PRRC2B: variants seen among roughly 807,000 people sequenced by gnomAD.
The protein encoded by PRRC2B is proline rich coiled-coil 2B.
A neutral mutation model predicts 242.3 loss-of-function variants in PRRC2B; 68 were observed. The ratio of observed to expected loss-of-function variants is 0.28; its 90% CI spans 0.23 to 0.34. PRRC2B has a LOEUF of 0.34. Ranked by LOEUF, PRRC2B falls within the 10% of genes least tolerant of loss-of-function variation. The probability of loss-of-function intolerance (pLI) is 1.00; values close to 1 mark genes in which losing one functional copy is unlikely to be tolerated. For synonymous variants in PRRC2B, 1,228 were observed against 1,173.6 expected (o/e 1.05, Z -0.95); for missense variants, 2,835 against 2,954.8 (o/e 0.96, Z 0.94).
At chr9:131,389,922 T>G (rs976761051), upstream of PRRC2B, among the ~76,000 whole-genome samples, 8 of 129,676 alleles carry the variant, frequency 6.2e-5, no homozygotes, top group African/African-American at 2.3e-4. Flanking sequence ...GTTGTTTTTT[T>G]TTTTGTTTTT....
At position 131,451,560 on chromosome 9, in the gene PRRC2B, T is replaced by A. The variant is rs545991834; in HGVS notation, c.1121-3516T>A. Among the ~76,000 whole-genome samples, 6 of 152,378 alleles carry A rather than the reference T, an allele frequency of 3.9e-5. No individual in the cohort carries two copies. In the South Asian group the frequency reaches 6.2e-4, roughly 16 times the overall value. ...GAGTTTTACATTGTCTTTTTCAGAT[T>A]ACGTGCCTTTTATTTATTTATTTGT... is the stretch of plus-strand genomic sequence containing the variant. On this transcript the variant is annotated intron_variant, in intron 9 of 31. Coordinates refer to ENST00000683519, the MANE Select transcript of PRRC2B (RefSeq NM_013318.4).
Position 131,494,365 on chromosome 9 carries a change from C to CA in PRRC2B, c.6474-39dup, listed in dbSNP as rs1261987989. On this transcript the variant is annotated intron_variant, in intron 30 of 31. Transcript: ENST00000683519. The surrounding 1 kb of genome is among the most constrained non-coding windows in gnomAD (Gnocchi z 4.3). Reference sequence around the variant, plus strand: ...GGCTTTGACTCCATTTCTGTGGTGACACGTTGTGTATTCTCAACCCCTGCC... The same window carrying CA: ...GGCTTTGACTCCATTTCTGTGGTGACAACGTTGTGTATTCTCAACCCCTGCC... 2.8e-6 allele frequency: 3 copies of CA among 1,069,456 alleles called. No individual in the cohort carries two copies. In the African/African-American group the frequency reaches 4.7e-5, roughly 17 times the overall value. The allele number at this position is 1,069,456 out of a possible 1,614,324, so 66.2% of individuals were successfully genotyped here. A position where few individuals can be genotyped will look rare whatever the true frequency, so the allele number is the denominator to read the frequency against.
Position 131,499,130 on chromosome 9 carries a change from G to A in PRRC2B, c.*3256G>A, listed in dbSNP as rs1221296693. 6.6e-6 allele frequency: 1 copy of A among 152,194 alleles called. No homozygotes were observed. The highest frequency in any genetic ancestry group is 1.5e-5 in the Non-Finnish European group (1 of 68,042). 9.4% of individuals were successfully genotyped at this position (152,194 alleles called of 1,614,324 possible). ...GCTGTGGTCCTTCCAGCCACTTCTA[G>A]GGACACTGGGGAACCTTGTTAAACG... is the stretch of plus-strand genomic sequence containing the variant. On this transcript the variant is annotated 3_prime_UTR_variant, in exon 32 of 32. Transcript: ENST00000683519.
Position 131,495,828 on chromosome 9 carries a change from G to A in PRRC2B, c.6644G>A (p.Gly2215Glu). 3 of 1,612,782 alleles carry A rather than the reference G, an allele frequency of 1.9e-6. No homozygotes were observed. Among genetic ancestry groups the A allele is most frequent in the South Asian group, 2.2e-5 (2 of 91,076 alleles). The change falls in exon 32 of 32, where the codon GGA becomes GAA. Residue 2215 changes from glycine (G) to glutamate (E), a missense_variant. By Grantham distance (98) the Gly-to-Glu change is moderately conservative. This residue lies in a region of PRRC2B where 574 missense variants were observed against 626.0 expected (regional missense o/e 0.92). Transcript: ENST00000683519. ...GCTGCCTCCCAGATGAAGCGAACCG[G>A]AGCGATCAAGCCTCGGGCTGTCAAA... ...PSAASQMKRT[G>E]AIKPRAVKVE...
At chr9:131,469,254 C>T (rs947404791) in intron 13 of PRRC2B, among the ~76,000 whole-genome samples, 3 of 152,154 alleles carry the variant, frequency 2.0e-5, no homozygotes, top group African/African-American at 4.8e-5. Flanking sequence ...GAATCGCTTG[C>T]ACCCAGGAGG....
chr9:131,444,058 C>T, intron 5 of PRRC2B, 127 bp from the exon 6 acceptor site: 1 of 1,058,384 alleles, frequency 9.4e-7, no homozygotes. Flanking sequence ...GCACAGAGCA[C>T]CCTTGTGACA....
intron 6 of PRRC2B, among the ~76,000 whole-genome samples, chr9:131,445,040 C>T (rs1838750239): frequency 6.6e-6 from 1 of 152,164 alleles, no homozygotes; most frequent in Non-Finnish European, 1.5e-5. Flanking sequence ...GATGTATCCC[C>T]AAGGCCTCTC....
intron 10 of PRRC2B, among the ~76,000 whole-genome samples, chr9:131,456,211 CTTT>C (rs59184650): frequency 0.015 from 2,118 of 138,874 alleles, 42 homozygotes; most frequent in African/African-American, 0.042. Context: ...AATTTTGTCT[CTTT>C]TTTTTTTTTT....
chr9:131,488,154 C>A, intron 28 of PRRC2B, 58 bp downstream of exon 28: 1 of 1,537,576 alleles, frequency 6.5e-7, no homozygotes, highest in South Asian at 1.2e-5. Flanking sequence ...ACGACCTTGC[C>A]TTTTCTTTTC....
Position 131,492,172 on chromosome 9 carries a change from T to C in PRRC2B, c.6385T>C (p.Ser2129Pro), listed in dbSNP as rs1388692628. The C allele has an allele frequency of 1.9e-6, 3 of 1,613,456 alleles. No homozygotes were observed. Among genetic ancestry groups the C allele is most frequent in the Non-Finnish European group, 2.5e-6 (3 of 1,179,486 alleles). Residue 2129 changes from serine to proline, a missense_variant, in exon 30 of 32, where the codon TCT becomes CCT. Physicochemically the swap from Ser to Pro is moderately conservative, Grantham distance 74. Around this residue, in one of 7 missense-constraint regions of PRRC2B, gnomAD observed 574 missense variants for 626.0 expected, o/e 0.92. Coordinates refer to ENST00000683519, the MANE Select transcript of PRRC2B (RefSeq NM_013318.4). ...PPVLNTSREPSQMEMKGFHFA... is the reference protein window; with the variant it reads ...PPVLNTSREPPQMEMKGFHFA... ...TGTTCCTGCTTGGTCTCTCTAGCCC[T>C]CTCAGATGGAGATGAAAGGCTTCCA...
At chr9:131,467,214 T>G (rs1299908919) in intron 12 of PRRC2B, among the ~76,000 whole-genome samples, 1 of 152,186 alleles carries the variant, frequency 6.6e-6, no homozygotes, top group Non-Finnish European at 1.5e-5. Flanking sequence ...GGATTACAGG[T>G]GTGAGCCACT....
At position 131,405,033 on chromosome 9, in the gene PRRC2B, C is replaced by T. The variant is rs565928955; in HGVS notation, c.-52+10770C>T. On this transcript the variant is annotated intron_variant, in intron 1 of 31. Transcript: ENST00000683519. ...AGCTTATATGTGTGAGCGTATGTTTCTGGACTATGGGCTTTTCTAAATGAA... is the reference window on the plus strand; with the variant it reads ...AGCTTATATGTGTGAGCGTATGTTTTTGGACTATGGGCTTTTCTAAATGAA... Among the ~76,000 whole-genome samples the T allele has an allele frequency of 4.2e-4, 64 of 152,302 alleles. 1 individual carries two copies. Among genetic ancestry groups the T allele is most frequent in the African/African-American group, 1.5e-3 (61 of 41,554 alleles).
At chr9:131,477,708 C>T in intron 16 of PRRC2B, 36 bp from the exon 17 acceptor site, 3 of 1,375,204 alleles carry the variant, frequency 2.2e-6, no homozygotes, top group Non-Finnish European at 3.0e-6. Flanking sequence ...CCCTCCTTCC[C>T]CAGCTCTGGT....
chr9:131,450,616 C>T (rs1942882857), intron 9 of PRRC2B, among the ~76,000 whole-genome samples: 1 of 150,848 alleles, frequency 6.6e-6, no homozygotes, highest in Non-Finnish European at 1.5e-5. Context: ...GATATGGGGT[C>T]TCACTCTGCC....
chr9:131,467,989 C>T (rs1335636844), intron 13 of PRRC2B, among the ~76,000 whole-genome samples: 3 of 152,220 alleles, frequency 2.0e-5, no homozygotes, highest in Non-Finnish European at 4.4e-5. Flanking sequence ...GGAATGAATA[C>T]AGTCTTTGTG....
rs544436051 is a variant in PRRC2B at position 131,432,849 on chromosome 9, G to A, written c.293+55G>A. 1.1e-3 allele frequency: 1,780 copies of A among 1,580,006 alleles called. 11 individuals are homozygous for A. The South Asian group carries it at 0.011, about 10-fold the overall frequency. On this transcript the variant is annotated intron_variant, in intron 3 of 31. Coordinates refer to ENST00000683519, the MANE Select transcript of PRRC2B (RefSeq NM_013318.4). ...AGCTGGCGCTCCAAGGGTGGTCCCG[G>A]CATCCTTCCCTGTGGCAAACTAACC...
At chr9:131,445,543 A>T (rs1411812783) in intron 6 of PRRC2B, among the ~76,000 whole-genome samples, 1 of 152,244 alleles carries the variant, frequency 6.6e-6, no homozygotes, top group Non-Finnish European at 1.5e-5. Flanking sequence ...AAAAACGTAG[A>T]CATAGAAGAA....
chr9:131,459,184 G>A lies in PRRC2B; in HGVS notation c.1232G>A (p.Arg411Lys), dbSNP rs1206869297. The A allele has an allele frequency of 1.2e-6, 2 of 1,614,014 alleles. No individual in the cohort carries two copies. Among genetic ancestry groups the A allele is most frequent in the East Asian group, 2.2e-5 (1 of 44,882 alleles). Residue 411 changes from arginine to lysine, a missense_variant, in exon 11 of 32, where the codon AGG becomes AAG. Arg to Lys is a conservative substitution (Grantham distance 26). This residue lies in a region of PRRC2B where 626 missense variants were observed against 685.5 expected (regional missense o/e 0.91). Coordinates refer to ENST00000683519, the MANE Select transcript of PRRC2B (RefSeq NM_013318.4). ...CCTAGGAACAGTTGGGACCCTAGGA[G>A]GCAGCGGCAGTTGTCAATGAGCTCT... ...RPKWNSWDPR[R>K]QRQLSMSSAD...
intron 1 of PRRC2B, among the ~76,000 whole-genome samples, chr9:131,410,467 C>A (rs1837478143): frequency 6.6e-6 from 1 of 152,240 alleles, no homozygotes; most frequent in Admixed American, 6.5e-5. Context: ...CTGGGGCCCA[C>A]CGCATGGGCC....
Sources: gnomAD v4.1 joint callset for allele counts (sites outside exome capture counted in the v4.1 genomes callset) on GRCh38, gnomAD v4.1.1 for gene constraint, gnomAD v4.1.1 regional missense constraint, Gnocchi (gnomAD v3.1) non-coding constraint, MANE v1.5 for transcripts, NCBI Gene and HGNC (gene_info 2026-07-23, HGNC 2026-07-21) for gene names.